The following CDK12 variants were observed in gnomAD, a reference collection of about 807,000 sequenced individuals.
CDK12 encodes cyclin-dependent kinase 12.
A neutral mutation model predicts 133.8 loss-of-function variants in CDK12; 17 were observed. The observed-to-expected ratio is 0.13, with a 90% CI of 0.09 to 0.19. The LOEUF (loss-of-function observed/expected upper bound fraction) is 0.19, where lower values mean the gene tolerates loss of function less well. CDK12 is among the 10% of genes least tolerant of loss of function. The pLI is 1.00. For missense variants in CDK12, 1,508 were observed against 1,818.7 expected, an observed-to-expected ratio of 0.83 and a Z score of 3.11; for synonymous variants, 694 against 683.6, an observed-to-expected ratio of 1.02 and a Z score of -0.24.
intron 2 of CDK12, among the ~76,000 whole-genome samples, chr17:39,555,122 G>A (rs1406330441): frequency 6.6e-6 from 1 of 151,616 alleles, no homozygotes; most frequent in East Asian, 1.9e-4. Context: ...GCAGGCTCCT[G>A]TAATCCCAGC....
intron 3 of CDK12, among the ~76,000 whole-genome samples, chr17:39,560,022 C>A (rs1162584498): frequency 6.6e-6 from 1 of 152,118 alleles, no homozygotes; most frequent in Non-Finnish European, 1.5e-5. Context: ...GTCTCAAACT[C>A]CTAGCCGCAA....
At position 39,542,250 on chromosome 17, in the gene CDK12, G is replaced by A. The variant is rs557535004; in HGVS notation, c.451-1999G>A. On this transcript the variant is annotated intron_variant and NMD_transcript_variant, in intron 1 of 4. Coordinates refer to the CDK12 transcript ENST00000559663. ...CACTCAGGCTGGAGTGCAATGGCGC[G>A]ATCTCGGCTCACTGCAACCTCCACC... Among the ~76,000 whole-genome samples, 36 of 151,754 alleles carry A rather than the reference G, an allele frequency of 2.4e-4. No individual in the cohort carries two copies. The South Asian group carries it at 5.2e-3, about 22-fold the overall frequency.
chr17:39,513,111 G>A (rs2053593626), intron 8 of CDK12, among the ~76,000 whole-genome samples: 1 of 152,110 alleles, frequency 6.6e-6, no homozygotes, highest in South Asian at 2.1e-4. Context: ...ATTTCTCTAA[G>A]GAGTCTTAGT....
chr17:39,479,011 TAGAA>T lies in CDK12; in HGVS notation c.1931+7254_1931+7257del, dbSNP rs1295399360. Among the ~76,000 whole-genome samples the T allele has an allele frequency of 3.9e-5, 6 of 152,222 alleles. 1 individual carries two copies. The East Asian group carries it at 7.7e-4, about 20-fold the overall frequency. On this transcript the variant is annotated intron_variant, in intron 2 of 13. Coordinates refer to ENST00000447079, the MANE Select transcript of CDK12 (RefSeq NM_016507.4). ...GTAATTTTTACATAGGAAAGCTTTT[TAGAA>T]AGAAATCTAATGGCCGGGTGCGGTG...
intron 2 of CDK12, among the ~76,000 whole-genome samples, chr17:39,476,923 A>G (rs991888501): frequency 2.0e-5 from 3 of 150,232 alleles, no homozygotes; most frequent in Non-Finnish European, 4.4e-5. Context: ...GGGTTTCACC[A>G]TGTTGGTTAC....
At chr17:39,562,897 C>CTTT (rs2056428532) in intron 3 of CDK12, among the ~76,000 whole-genome samples, 1 of 93,682 alleles carries the variant, frequency 1.1e-5, no homozygotes, top group Non-Finnish European at 2.3e-5. Flanking sequence ...TTTTCTTTTT[C>CTTT]TTTTCTTTTT....
intron 5 of CDK12, among the ~76,000 whole-genome samples, chr17:39,496,591 C>G (rs2052131739): frequency 1.3e-5 from 2 of 151,986 alleles, no homozygotes; most frequent in African/African-American, 2.4e-5. Context: ...TCTTCAGCTA[C>G]TTGGGAGGCT....
intron 2 of CDK12, among the ~76,000 whole-genome samples, chr17:39,472,246 A>G (rs2049849781): frequency 1.3e-5 from 2 of 152,096 alleles, no homozygotes; most frequent in African/African-American, 4.8e-5. Context: ...GGCCTGCCAA[A>G]GTGCTGGGAT....
At position 39,462,554 on chromosome 17, in the gene CDK12, T is replaced by G. The variant is rs9896487; in HGVS notation, c.483T>G (p.Tyr161Ter). 1 of 1,613,892 alleles carries G rather than the reference T, an allele frequency of 6.2e-7. No individual in the cohort carries two copies. The highest frequency in any genetic ancestry group is 8.5e-7 in the Non-Finnish European group (1 of 1,179,990). ...SKRSNEETDD[Y>*]GKAQVAKSSS... ...GTTCGAATGAGGAGACTGATGACTA[T>G]GGGAAGGCGCAGGTAGCCAAAAGCA... The change falls in exon 1 of 14, where the codon TAT becomes TAG. Residue 161 changes from tyrosine to a stop codon, truncating the protein, a stop_gained. Transcript: ENST00000447079. LOFTEE classifies it high-confidence loss of function.
chr17:39,518,359 G>A (rs1303521681), intron 10 of CDK12, among the ~76,000 whole-genome samples: 2 of 149,636 alleles, frequency 1.3e-5, no homozygotes, highest in South Asian at 4.3e-4. Context: ...TAGAGATAGG[G>A]TCTCCTAATG....
chr17:39,508,996 T>C, intron 6 of CDK12, among the ~76,000 whole-genome samples: 1 of 21,826 alleles, frequency 4.6e-5, no homozygotes, highest in African/African-American at 1.3e-4. Flanking sequence ...AGACTCTGTC[T>C]CAAAAAAAAA....
downstream of CDK12, among the ~76,000 whole-genome samples, chr17:39,565,271 G>A (rs2056529463): frequency 6.6e-6 from 1 of 152,056 alleles, no homozygotes; most frequent in Non-Finnish European, 1.5e-5. Flanking sequence ...CCGCCACCAC[G>A]CCCAGCTAAT....
intron 6 of CDK12, among the ~76,000 whole-genome samples, chr17:39,509,337 T>C (rs71369773): frequency 0.052 from 7,915 of 152,218 alleles, 668 homozygotes; most frequent in African/African-American, 0.18. Flanking sequence ...TTCTTTTTTT[T>C]CCCAACAATA....
In CDK12 at chr17:39,461,859, T is replaced by C. The variant is rs2048981622; in HGVS notation, c.-213T>C. Reference sequence around the variant, plus strand: ...TCGCAACTCCACTGCCGAGGAACTCTCATTTCTTCCCTCGCTCCTTCACCC... The same window carrying C: ...TCGCAACTCCACTGCCGAGGAACTCCCATTTCTTCCCTCGCTCCTTCACCC... On this transcript the variant is annotated 5_prime_UTR_variant, in exon 1 of 14. Coordinates refer to ENST00000447079, the MANE Select transcript of CDK12 (RefSeq NM_016507.4). The C allele has an allele frequency of 6.9e-6, 4 of 583,294 alleles. No homozygotes were observed. In the Admixed American group the frequency reaches 1.2e-4, roughly 17 times the overall value. 36.1% of individuals were successfully genotyped at this position (583,294 alleles called of 1,614,324 possible).
At chr17:39,504,237 G>A (rs1372224224) in intron 6 of CDK12, among the ~76,000 whole-genome samples, 1 of 152,152 alleles carries the variant, frequency 6.6e-6, no homozygotes, top group African/African-American at 2.4e-5. Context: ...ATATATCCAG[G>A]GTAGTGATAT....
At chr17:39,564,984 G>A (rs1407474747), downstream of CDK12, 3 of 152,230 alleles carry the variant, frequency 2.0e-5, no homozygotes, top group Non-Finnish European at 2.9e-5. Flanking sequence ...ATTCTTAAGG[G>A]ACAGCTCCAG....
chr17:39,527,835 C>T (rs530676696), intron 13 of CDK12, among the ~76,000 whole-genome samples: 2 of 152,232 alleles, frequency 1.3e-5, no homozygotes, highest in African/African-American at 4.8e-5. Flanking sequence ...GCTTGAGCCA[C>T]TACCCCCGGC....
At chr17:39,504,172 A>C (rs2052931395) in intron 6 of CDK12, among the ~76,000 whole-genome samples, 1 of 152,208 alleles carries the variant, frequency 6.6e-6, no homozygotes, top group Non-Finnish European at 1.5e-5. Context: ...TACAAGGAAG[A>C]TGGAAGAGTA....
Position 39,524,769 on chromosome 17 carries a change from A to G in CDK12, c.3191A>G (p.Lys1064Arg). 6.2e-7 allele frequency: 1 copy of G among 1,614,204 alleles called. No homozygotes were observed. Among genetic ancestry groups the G allele is most frequent in the East Asian group, 2.2e-5 (1 of 44,888 alleles). The part of the protein sequence containing the change: ...GVVVEEPPPS[K>R]TSRKETTSGT... ...GTAGTCGAAGAGCCACCTCCATCCA[A>G]AACTTCTCGAAAAGAAACTACCTCA... The change falls in exon 12 of 14, where the codon AAA (lysine) becomes AGA (arginine). Residue 1064 changes from lysine (K) to arginine (R), a missense_variant. Physicochemically the swap from Lys to Arg is conservative, Grantham distance 26. This residue lies in a region of CDK12 where 399 missense variants were observed against 469.6 expected (regional missense o/e 0.85). Coordinates refer to ENST00000447079, the MANE Select transcript of CDK12 (RefSeq NM_016507.4).
Sources: gnomAD v4.1 joint callset for allele counts (sites outside exome capture counted in the v4.1 genomes callset) on GRCh38, gnomAD v4.1.1 for gene constraint, gnomAD v4.1.1 regional missense constraint, MANE v1.5 for transcripts, NCBI Gene and HGNC (gene_info 2026-07-23, HGNC 2026-07-21) for gene names.